The following NWD2 variants were observed in gnomAD, a reference collection of about 807,000 sequenced individuals.
The protein encoded by NWD2 is NACHT and WD repeat domain containing 2, also known as NACHT and WD repeat domain-containing protein 2.
In NWD2, 37 loss-of-function variants were observed where a neutral mutation model predicts 132.7. The ratio of observed to expected loss-of-function variants is 0.28; its 90% confidence interval spans 0.21 to 0.37. The LOEUF (loss-of-function observed/expected upper bound fraction) is 0.37. Ranked by LOEUF, NWD2 falls within the 10% of genes least tolerant of loss-of-function variation. The pLI, the probability that NWD2 is intolerant of heterozygous loss-of-function variation, is 1.00. For synonymous variants in NWD2, 705 were observed against 803.0 expected (o/e 0.88, Z 2.06); for missense variants, 1,592 against 2,122.4 (o/e 0.75, Z 4.91).
chr4:37,245,273 G>C, intron 1 of NWD2, 55 bp downstream of exon 1: 2 of 1,484,970 alleles, frequency 1.3e-6, no homozygotes, highest in Non-Finnish European at 8.9e-7. Flanking sequence ...AGCGCTGCGG[G>C]AGCTGGAGAG....
intron 1 of NWD2, among the ~76,000 whole-genome samples, chr4:37,277,528 A>G (rs1351849637): frequency 3.3e-5 from 5 of 151,854 alleles, no homozygotes; most frequent in African/African-American, 4.8e-5. Flanking sequence ...CAAGTATGCT[A>G]TTGTGATTTC....
chr4:37,262,922 A>G (rs1412476764), intron 1 of NWD2, among the ~76,000 whole-genome samples: 1 of 152,090 alleles, frequency 6.6e-6, no homozygotes, highest in Non-Finnish European at 1.5e-5. Flanking sequence ...CCTCCTACCA[A>G]AGCTCCTAGA....
intron 3 of NWD2, among the ~76,000 whole-genome samples, chr4:37,402,885 G>A (rs536878095): frequency 2.6e-5 from 4 of 152,162 alleles, no homozygotes; most frequent in Admixed American, 6.5e-5. Context: ...TATATAAAAT[G>A]TACTAGTTTT....
chr4:37,350,688 C>G (rs778916340), intron 2 of NWD2, among the ~76,000 whole-genome samples: 4 of 152,106 alleles, frequency 2.6e-5, no homozygotes, highest in Non-Finnish European at 5.9e-5. Context: ...CTTCTTTTGC[C>G]TGATTGCCCT....
intron 3 of NWD2, among the ~76,000 whole-genome samples, chr4:37,408,947 C>G (rs185486337): frequency 1.1e-3 from 164 of 152,272 alleles, no homozygotes; most frequent in African/African-American, 3.7e-3. Context: ...GGCTGACTGT[C>G]AGAAGGAAAA....
intron 1 of NWD2, among the ~76,000 whole-genome samples, chr4:37,282,260 G>A (rs1310659626): frequency 6.6e-6 from 1 of 151,934 alleles, no homozygotes; most frequent in Non-Finnish European, 1.5e-5. Context: ...TATTTATATC[G>A]AAAAAGAAAC....
At chr4:37,262,807 CT>C (rs937873573) in intron 1 of NWD2, among the ~76,000 whole-genome samples, 6 of 152,164 alleles carry the variant, frequency 3.9e-5, no homozygotes, top group Non-Finnish European at 5.9e-5. Context: ...ACAGAAAATC[CT>C]CTCTGAGGTT....
chr4:37,277,490 T>G (rs888475639), intron 1 of NWD2, among the ~76,000 whole-genome samples: 1 of 152,084 alleles, frequency 6.6e-6, no homozygotes, highest in African/African-American at 2.4e-5. Flanking sequence ...TTTCTTTAAT[T>G]TCACTGATTA....
chr4:37,341,980 C>T lies in NWD2; in HGVS notation c.241-14386C>T, dbSNP rs73807497. 6.8e-3 allele frequency among the ~76,000 whole-genome samples: 1,032 copies of T among 152,214 alleles called. 10 individuals are homozygous for T. Among genetic ancestry groups the T allele is most frequent in the African/African-American group, 0.024 (1,000 of 41,524 alleles). ...GTCATAATACAGGTACATGTCTACTCAGAGGACACTCAGATACAGTGATTG... is the reference window on the plus strand; with the variant it reads ...GTCATAATACAGGTACATGTCTACTTAGAGGACACTCAGATACAGTGATTG... On this transcript the variant is annotated intron_variant, in intron 2 of 6. Coordinates refer to ENST00000309447, the MANE Select transcript of NWD2 (RefSeq NM_001144990.2).
chr4:37,281,537 G>C (rs764103501), intron 1 of NWD2, among the ~76,000 whole-genome samples: 2 of 152,114 alleles, frequency 1.3e-5, no homozygotes, highest in Non-Finnish European at 2.9e-5. Flanking sequence ...GAGGAGAACT[G>C]GGACCCATCT....
At chr4:37,312,168 A>T (rs1718858221) in intron 1 of NWD2, among the ~76,000 whole-genome samples, 2 of 151,530 alleles carry the variant, frequency 1.3e-5, no homozygotes, top group Non-Finnish European at 2.9e-5. Context: ...CTGTGAAGAA[A>T]GTCATTGGTA....
intron 3 of NWD2, among the ~76,000 whole-genome samples, chr4:37,419,054 A>G (rs1007260749): frequency 2.0e-5 from 3 of 152,176 alleles, no homozygotes; most frequent in African/African-American, 7.2e-5. Context: ...AAACAGATAT[A>G]TAGACCAATA....
At chr4:37,351,792 C>CTGCTT (rs1424634766) in intron 2 of NWD2, among the ~76,000 whole-genome samples, 1 of 152,074 alleles carries the variant, frequency 6.6e-6, no homozygotes, top group Non-Finnish European at 1.5e-5. Context: ...TAGATCTTTC[C>CTGCTT]TGCTTTCTCC....
intron 2 of NWD2, among the ~76,000 whole-genome samples, chr4:37,351,100 T>A (rs1055986934): frequency 3.9e-5 from 6 of 152,214 alleles, no homozygotes; most frequent in Admixed American, 3.9e-4. Context: ...TATTGAGGAT[T>A]TTTGCATCAG....
chr4:37,378,224 A>G (rs978828774), intron 3 of NWD2, among the ~76,000 whole-genome samples: 1 of 152,180 alleles, frequency 6.6e-6, no homozygotes, highest in African/African-American at 2.4e-5. Context: ...TTCACAAAAT[A>G]TTAACTGGCT....
intron 3 of NWD2, among the ~76,000 whole-genome samples, chr4:37,371,146 C>T (rs911187600): frequency 7.4e-6 from 1 of 135,126 alleles, no homozygotes; most frequent in Admixed American, 8.5e-5. Flanking sequence ...GGTGCAATCT[C>T]GGCTCACTGC....
At chr4:37,272,177 C>T (rs1370909172) in intron 1 of NWD2, among the ~76,000 whole-genome samples, 1 of 151,644 alleles carries the variant, frequency 6.6e-6, no homozygotes, top group Non-Finnish European at 1.5e-5. Context: ...ATTAATATTA[C>T]CTTTTTATAT....
Position 37,448,754 on chromosome 4 carries a change from T to G in NWD2, c.*1537T>G, listed in dbSNP as rs1189655116. The G allele has an allele frequency of 6.6e-6, 1 of 152,186 alleles. No individual in the cohort carries two copies. Among genetic ancestry groups the G allele is most frequent in the Admixed American group, 6.5e-5 (1 of 15,282 alleles). 9.4% of individuals were successfully genotyped at this position (152,186 alleles called of 1,614,324 possible). On this transcript the variant is annotated 3_prime_UTR_variant, in exon 7 of 7. Coordinates refer to ENST00000309447, the MANE Select transcript of NWD2 (RefSeq NM_001144990.2). ...TCATCAGTGTGTTGTTTTTGTGAAG[T>G]GCAAAATAAAGATAGTGATAGTTTC... is the stretch of plus-strand genomic sequence containing the variant.
At chr4:37,324,411 T>A (rs2109287133) in intron 1 of NWD2, among the ~76,000 whole-genome samples, 1 of 152,250 alleles carries the variant, frequency 6.6e-6, no homozygotes. Flanking sequence ...TTTTTGTTAT[T>A]TGGGTTTTGA....
Sources: gnomAD v4.1 joint callset for allele counts (sites outside exome capture counted in the v4.1 genomes callset) on GRCh38, gnomAD v4.1.1 for gene constraint, MANE v1.5 for transcripts, NCBI Gene and HGNC (gene_info 2026-07-23, HGNC 2026-07-21) for gene names.